CACNA1C: variants seen among roughly 807,000 people sequenced by gnomAD.
CACNA1C encodes the protein calcium voltage-gated channel subunit alpha1 C, also known as voltage-dependent L-type calcium channel subunit alpha-1C.
Under a neutral mutation model 229.0 loss-of-function variants are expected in CACNA1C, and 30 were observed. The observed-to-expected ratio is 0.13, with a 90% CI of 0.10 to 0.18. The LOEUF (loss-of-function observed/expected upper bound fraction) is 0.18, where lower values mean the gene tolerates loss of function less well. Ranked by LOEUF, CACNA1C falls within the 10% of genes least tolerant of loss-of-function variation. The pLI, the probability that CACNA1C is intolerant of heterozygous loss-of-function variation, is 1.00. For missense variants in CACNA1C, 1,658 were observed against 2,845.0 expected (o/e 0.58, Z 9.49); for synonymous variants, 1,114 against 1,132.5 (o/e 0.98, Z 0.33).
rs1291084446 is a variant in CACNA1C at position 2,608,960 on chromosome 12, A to T, written c.3558+248A>T. 1.3e-5 allele frequency among the ~76,000 whole-genome samples: 2 copies of T among 152,238 alleles called. No homozygotes were observed. The highest frequency in any genetic ancestry group is 6.5e-5 in the Admixed American group (1 of 15,280). The stretch of plus-strand genomic sequence containing the variant: ...ATATCTATGAAGCTTCTACTTAAGG[A>T]TACTCTATGATAGGTTTTGTCAAAT... On this transcript the variant is annotated intron_variant, in intron 27 of 46. Coordinates refer to ENST00000399655, the MANE Select transcript of CACNA1C (RefSeq NM_000719.7). The surrounding 1 kb of genome is among the most constrained non-coding windows in gnomAD (Gnocchi z 4.2).
chr12:2,553,031 T>G (rs1337304955), intron 10 of CACNA1C, among the ~76,000 whole-genome samples: 1 of 152,164 alleles, frequency 6.6e-6, no homozygotes, highest in Non-Finnish European at 1.5e-5. Context: ...AAAGACAGTT[T>G]GAGGCCCTGA....
At chr12:2,349,110 A>C (rs144965623) in intron 3 of CACNA1C, among the ~76,000 whole-genome samples, 14 of 152,258 alleles carry the variant, frequency 9.2e-5, no homozygotes, top group Admixed American at 5.9e-4. Flanking sequence ...CTAATAGAGG[A>C]TGGTGACCTG....
chr12:2,356,380 C>T, intron 3 of CACNA1C, among the ~76,000 whole-genome samples: 1 of 152,346 alleles, frequency 6.6e-6, no homozygotes, highest in South Asian at 2.1e-4. Flanking sequence ...TGGAAAAGTG[C>T]AGGACTGTCC....
At chr12:2,314,314 A>G in intron 3 of CACNA1C, among the ~76,000 whole-genome samples, 1 of 152,196 alleles carries the variant, frequency 6.6e-6, no homozygotes, top group Admixed American at 6.5e-5. Context: ...GAGCCTTCAA[A>G]ATTCCATGAT....
At chr12:2,503,057 A>G (rs894200786) in intron 7 of CACNA1C, among the ~76,000 whole-genome samples, 1 of 152,224 alleles carries the variant, frequency 6.6e-6, no homozygotes, top group African/African-American at 2.4e-5. Context: ...GTGGAGGTAC[A>G]TGGAGAGCCA....
chr12:2,667,651 A>AG (rs2096277614), intron 37 of CACNA1C, among the ~76,000 whole-genome samples: 1 of 152,276 alleles, frequency 6.6e-6, no homozygotes, highest in East Asian at 1.9e-4. Context: ...AAGGGTGGGG[A>AG]GGGGTGCAGC....
chr12:2,032,337 T>G (rs577115651), intron 1 of CACNA1C, among the ~76,000 whole-genome samples: 1 of 152,168 alleles, frequency 6.6e-6, no homozygotes, highest in South Asian at 2.1e-4. Flanking sequence ...TGCCGTATTT[T>G]GGGTGTACCC....
At position 2,381,045 on chromosome 12, in the gene CACNA1C, G is replaced by A. The variant is rs544029147; in HGVS notation, c.478-67931G>A. Among the ~76,000 whole-genome samples, 11 of 152,318 alleles carry A rather than the reference G, an allele frequency of 7.2e-5. No homozygotes were observed. In the South Asian group the frequency reaches 1.9e-3, roughly 26 times the overall value. On this transcript the variant is annotated intron_variant, in intron 3 of 46. Transcript: ENST00000399655. ...ATGTGGCCCTTTGCAAGGTCTCCAC[G>A]TCCATGGCCATCTGCCTTCCAGGAC...
intron 3 of CACNA1C, among the ~76,000 whole-genome samples, chr12:2,380,674 G>A (rs2098217296): frequency 6.6e-6 from 1 of 152,224 alleles, no homozygotes; most frequent in African/African-American, 2.4e-5. Context: ...CTTGGCTTAA[G>A]GCTGGCACGA....
chr12:2,607,219 C>G (rs931458631), intron 26 of CACNA1C, 89 bp downstream of exon 26: 5 of 1,370,144 alleles, frequency 3.6e-6, no homozygotes, highest in African/African-American at 1.4e-5. Context: ...GTTAATGTCC[C>G]GCACTCCCTC....
intron 3 of CACNA1C, among the ~76,000 whole-genome samples, chr12:2,445,099 A>C (rs2099265139): frequency 1.3e-5 from 2 of 151,932 alleles, no homozygotes; most frequent in Non-Finnish European, 1.5e-5. Context: ...AGCTGTCCAT[A>C]CTTCCCATCT....
chr12:2,688,589 G>A lies in CACNA1C; in HGVS notation c.5927G>A (p.Gly1976Glu), dbSNP rs2097648681. 1 of 1,614,006 alleles carries A rather than the reference G, an allele frequency of 6.2e-7. No homozygotes were observed. The highest frequency in any genetic ancestry group is 1.7e-5 in the Admixed American group (1 of 60,034). The change falls in exon 46 of 47, where the codon GGG becomes GAG. Residue 1976 changes from glycine (G) to glutamate (E), a missense_variant. Transcript: ENST00000399655. ...CCCGTCCCCACCCTGCGGCTTGAGG[G>A]GGTCGAGTCCAGTGAGAAACTCAAC... ...PQPVPTLRLE[G>E]VESSEKLNSS...
rs58515322 is a variant in CACNA1C at position 2,215,034 on chromosome 12, G to A, written c.477+94604G>A. On this transcript the variant is annotated intron_variant, in intron 3 of 46. Transcript: ENST00000399655. The surrounding 1 kb of genome is among the most constrained non-coding windows in gnomAD (Gnocchi z 5.0). The stretch of plus-strand genomic sequence containing the variant: ...TGGAGCACCTCATGGGTGTGAAGTC[G>A]GGAGGAGCCGGAGGCAGTGAGGACC... 4.1e-3 allele frequency among the ~76,000 whole-genome samples: 620 copies of A among 152,228 alleles called. 1 individual carries two copies. Among genetic ancestry groups the A allele is most frequent in the African/African-American group, 0.011 (445 of 41,530 alleles).
intron 3 of CACNA1C, among the ~76,000 whole-genome samples, chr12:2,376,266 C>T (rs894201181): frequency 1.3e-4 from 19 of 151,952 alleles, no homozygotes; most frequent in Admixed American, 6.6e-5. Context: ...GCTTTGTGAC[C>T]TCCTGTGTGG....
In CACNA1C at chr12:2,690,521, C is replaced by A. The variant is rs12367220; in HGVS notation, c.6118-379C>A. On this transcript the variant is annotated intron_variant, in intron 46 of 46. Coordinates refer to ENST00000399655, the MANE Select transcript of CACNA1C (RefSeq NM_000719.7). ...ATTATTCTTAAATTTTTTGTAGAGA[C>A]GAAGTTTCCCTGTGTTGCCTGGGCC... Among the ~76,000 whole-genome samples the A allele has an allele frequency of 4.6e-5, 7 of 152,272 alleles. No homozygotes were observed. The East Asian group carries it at 1.2e-3, about 25-fold the overall frequency.
intron 3 of CACNA1C, among the ~76,000 whole-genome samples, chr12:2,239,671 T>C (rs559557625): frequency 1.3e-4 from 20 of 152,148 alleles, no homozygotes; most frequent in Non-Finnish European, 2.6e-4. Context: ...TTTCCAATTT[T>C]AGCGGTGTTA....
In CACNA1C at chr12:2,677,070, C is replaced by G; in HGVS notation, c.4829-24C>G. 6.2e-7 allele frequency: 1 copy of G among 1,607,176 alleles called. No individual in the cohort carries two copies. The highest frequency in any genetic ancestry group is 8.5e-7 in the Non-Finnish European group (1 of 1,175,212). ...AATTCCCCTGCTCCCCTCTTACCCC[C>G]TCTCCCCTCTCCATACGTCTCAGAT... On this transcript the variant is annotated intron_variant, in intron 39 of 46. Coordinates refer to ENST00000399655, the MANE Select transcript of CACNA1C (RefSeq NM_000719.7). The surrounding 1 kb of genome is among the most constrained non-coding windows in gnomAD (Gnocchi z 7.4).
intron 5 of CACNA1C, among the ~76,000 whole-genome samples, chr12:2,459,887 A>T (rs563335417): frequency 6.6e-6 from 1 of 152,374 alleles, no homozygotes; most frequent in South Asian, 2.1e-4. Context: ...TAGGGGTATT[A>T]GGACGTATCA....
At position 2,181,785 on chromosome 12, in the gene CACNA1C, A is replaced by T. The variant is rs1425747525; in HGVS notation, c.477+61355A>T. On this transcript the variant is annotated intron_variant, in intron 3 of 46. Coordinates refer to ENST00000399655, the MANE Select transcript of CACNA1C (RefSeq NM_000719.7). The surrounding 1 kb of genome is among the most constrained non-coding windows in gnomAD (Gnocchi z 4.0). ...TAGATATTACTGTTATTACCCTTTTATAGATGAGAACACTGGAGCTTAGCG... is the reference window on the plus strand; with the variant it reads ...TAGATATTACTGTTATTACCCTTTTTTAGATGAGAACACTGGAGCTTAGCG... Among the ~76,000 whole-genome samples, 1 of 152,138 alleles carries T rather than the reference A, an allele frequency of 6.6e-6. No individual in the cohort carries two copies. Among genetic ancestry groups the T allele is most frequent in the Non-Finnish European group, 1.5e-5 (1 of 68,022 alleles).
Sources: gnomAD v4.1 joint callset for allele counts (sites outside exome capture counted in the v4.1 genomes callset) on GRCh38, gnomAD v4.1.1 for gene constraint, Gnocchi (gnomAD v3.1) non-coding constraint, MANE v1.5 for transcripts, NCBI Gene and HGNC (gene_info 2026-07-23, HGNC 2026-07-21) for gene names.